The following ANXA3 variants were observed in gnomAD, a reference collection of about 807,000 sequenced individuals.
ANXA3 encodes the protein annexin A3.
A neutral mutation model predicts 48.8 loss-of-function variants in ANXA3; 46 were observed. The ratio of observed to expected loss-of-function variants is 0.94; its 90% CI spans 0.74 to 1.21. The LOEUF is 1.21. ANXA3 is among the 50% of genes most tolerant of loss of function. The probability of loss-of-function intolerance (pLI) is 0.00; values close to 1 mark genes in which losing one functional copy is unlikely to be tolerated. For missense variants in ANXA3, 383 were observed against 378.6 expected (o/e 1.01, Z -0.10); for synonymous variants, 128 against 134.7 (o/e 0.95, Z 0.35).
chr4:78,560,402 T>G (rs1560439945), intron 2 of ANXA3, among the ~76,000 whole-genome samples: 1 of 152,176 alleles, frequency 6.6e-6, no homozygotes, highest in Admixed American at 6.5e-5. Flanking sequence ...TCACTGAAAG[T>G]GCTATCCTTA....
At chr4:78,599,502 C>T (rs1262218795) in intron 10 of ANXA3, among the ~76,000 whole-genome samples, 1 of 152,128 alleles carries the variant, frequency 6.6e-6, no homozygotes, top group Non-Finnish European at 1.5e-5. Context: ...TAAGGAGAGG[C>T]TTTATTCAGT....
At chr4:78,605,201 G>A (rs756913347) in intron 12 of ANXA3, among the ~76,000 whole-genome samples, 15 of 152,118 alleles carry the variant, frequency 9.9e-5, no homozygotes, top group South Asian at 8.3e-4. Context: ...TCACAGGTGC[G>A]ATCATAATAC....
At chr4:78,587,954 G>A (rs1723211507) in intron 6 of ANXA3, among the ~76,000 whole-genome samples, 4 of 152,154 alleles carry the variant, frequency 2.6e-5, no homozygotes, top group Admixed American at 2.6e-4. Flanking sequence ...AAGTTAGATG[G>A]TCATGGTGGC....
At chr4:78,590,448 T>C (rs1334245012) in intron 6 of ANXA3, among the ~76,000 whole-genome samples, 1 of 152,206 alleles carries the variant, frequency 6.6e-6, no homozygotes, top group African/African-American at 2.4e-5. Flanking sequence ...TAATTGTCTT[T>C]CATTGATTTA....
At chr4:78,582,042 C>A in intron 4 of ANXA3, 135 bp from the exon 5 acceptor site, 1 of 589,730 alleles carries the variant, frequency 1.7e-6, no homozygotes, top group South Asian at 2.2e-5. Flanking sequence ...GAAATATTTT[C>A]AACACTTCTG....
At chr4:78,556,798 A>G (rs1210526783) in intron 2 of ANXA3, among the ~76,000 whole-genome samples, 2 of 152,102 alleles carry the variant, frequency 1.3e-5, no homozygotes, top group Non-Finnish European at 2.9e-5. Flanking sequence ...GCCCTCGCCC[A>G]TGAGTAAATT....
chr4:78,570,534 T>C (rs79650308), intron 2 of ANXA3, among the ~76,000 whole-genome samples: 1 of 152,232 alleles, frequency 6.6e-6, no homozygotes, highest in Non-Finnish European at 1.5e-5. Flanking sequence ...ATAGAAGGTG[T>C]GTCCTGGTCA....
chr4:78,575,258 A>G (rs1245705797), intron 3 of ANXA3, among the ~76,000 whole-genome samples: 1 of 151,482 alleles, frequency 6.6e-6, no homozygotes, highest in Non-Finnish European at 1.5e-5. Context: ...CTCAATACAG[A>G]CTTTTTAAAA....
chr4:78,557,757 C>T (rs1722547785), intron 2 of ANXA3, among the ~76,000 whole-genome samples: 1 of 150,286 alleles, frequency 6.7e-6, no homozygotes, highest in African/African-American at 2.5e-5. Flanking sequence ...TTATGAGTGG[C>T]TCAGAGAGCA....
chr4:78,581,802 C>T (rs966004548), intron 4 of ANXA3, among the ~76,000 whole-genome samples: 5 of 152,102 alleles, frequency 3.3e-5, no homozygotes, highest in South Asian at 2.1e-4. Flanking sequence ...GGCAAGACAC[C>T]GAGGAAGAGA....
chr4:78,576,039 C>T (rs373296966), intron 3 of ANXA3, among the ~76,000 whole-genome samples: 133 of 152,102 alleles, frequency 8.7e-4, no homozygotes, highest in African/African-American at 3.0e-3. Flanking sequence ...TTTTTCTCTT[C>T]TCTGTTATGC....
At chr4:78,608,039 C>A (rs1008168331) in intron 12 of ANXA3, among the ~76,000 whole-genome samples, 3 of 152,012 alleles carry the variant, frequency 2.0e-5, no homozygotes, top group Non-Finnish European at 2.9e-5. Flanking sequence ...TGAAAGAGAG[C>A]TTTGAGATCA....
At chr4:78,557,263 AATCTCTTTGGCTTTTCTTTCTGGGGG>A (rs1265908383) in intron 2 of ANXA3, among the ~76,000 whole-genome samples, 1 of 151,966 alleles carries the variant, frequency 6.6e-6, no homozygotes, top group African/African-American at 2.4e-5. Context: ...TTATGCTTGG[AATCTCTTTGGCTTTTCTTTCTGGGGG>A]ATCTCTTTTC....
At chr4:78,597,510 A>AT (rs1247682302) in intron 10 of ANXA3, 96 bp downstream of exon 10, 208 of 769,214 alleles carry the variant, frequency 2.7e-4, no homozygotes, top group Middle Eastern at 2.3e-3. Flanking sequence ...TGACTGATCC[A>AT]TTTTTTTTGC....
intron 3 of ANXA3, among the ~76,000 whole-genome samples, chr4:78,578,298 C>CGAGAGCGAGAGAGAGAGAGAGA (rs1451574068): frequency 2.1e-5 from 1 of 46,516 alleles, no homozygotes; most frequent in South Asian, 9.6e-4. Context: ...AGAGAGAGAG[C>CGAGAGCGAGAGAGAGAGAGAGA]GAGAGAGAGA....
chr4:78,564,651 T>A (rs1274594660), intron 2 of ANXA3, among the ~76,000 whole-genome samples: 1 of 152,038 alleles, frequency 6.6e-6, no homozygotes, highest in Admixed American at 6.6e-5. Flanking sequence ...AATGGAGAGG[T>A]GGCTGAGATG....
intron 5 of ANXA3, among the ~76,000 whole-genome samples, chr4:78,582,930 A>G (rs1051081326): frequency 7.2e-5 from 11 of 152,196 alleles, no homozygotes; most frequent in Admixed American, 2.6e-4. Context: ...CATGACTTTC[A>G]TCACCCAACA....
rs1240582047 is a variant in ANXA3, at chr4:78,610,159, C to T, written c.*44C>T. ...AAAGGTCCACGATGGGCTTTCCCAA[C>T]AGCTCCACCTTACTTCTTCTCATAC... On this transcript the variant is annotated 3_prime_UTR_variant, in exon 13 of 13. Coordinates refer to ENST00000264908, the MANE Select transcript of ANXA3 (RefSeq NM_005139.3). 4 of 1,382,068 alleles carry T rather than the reference C, an allele frequency of 2.9e-6. No homozygotes were observed. Among genetic ancestry groups the T allele is most frequent in the African/African-American group, 1.4e-5 (1 of 70,322 alleles). 85.6% of individuals were successfully genotyped at this position (1,382,068 alleles called of 1,614,324 possible).
rs535532810 is a variant in ANXA3 at position 78,553,270 on chromosome 4, C to T, written c.-38-1166C>T. Among the ~76,000 whole-genome samples, 42 of 152,272 alleles carry T rather than the reference C, an allele frequency of 2.8e-4. 1 individual carries two copies. The highest frequency in any genetic ancestry group is 9.9e-4 in the African/African-American group (41 of 41,538). On this transcript the variant is annotated intron_variant, in intron 1 of 12. Transcript: ENST00000264908. ...GGCTCCAGCTTCTTCATATGCAAAA[C>T]GAAGATGTAATACCTAACTCACTGG...
Sources: allele counts gnomAD v4.1 joint callset (sites outside exome capture counted in the v4.1 genomes callset), GRCh38; gene constraint gnomAD v4.1.1; transcripts MANE v1.5; gene names NCBI Gene and HGNC (gene_info 2026-07-23, HGNC 2026-07-21).